Variants in MYT1L observed in about 807,000 individuals in gnomAD.
MYT1L encodes the protein myelin transcription factor 1 like, also known as myelin transcription factor 1-like protein.
Under a neutral mutation model 126.7 loss-of-function variants are expected in MYT1L, and 12 were observed. That is an observed-to-expected ratio of 0.09 (90% confidence interval 0.06 to 0.15). MYT1L has a LOEUF of 0.15. Ranked by LOEUF, MYT1L falls within the 10% of genes least tolerant of loss-of-function variation. MYT1L has a pLI of 1.00. For missense variants in MYT1L, 979 were observed against 1,585.2 expected (o/e 0.62, Z 6.49); for synonymous variants, 541 against 604.2 (o/e 0.90, Z 1.53).
chr2:2,239,072 A>G (rs2094386701), intron 2 of MYT1L, among the ~76,000 whole-genome samples: 1 of 152,242 alleles, frequency 6.6e-6, no homozygotes, highest in Non-Finnish European at 1.5e-5. Flanking sequence ...GATAACGATA[A>G]TTCTCACTTA....
At chr2:2,194,690 C>A (rs936905056) in intron 2 of MYT1L, among the ~76,000 whole-genome samples, 10 of 152,092 alleles carry the variant, frequency 6.6e-5, no homozygotes, top group Admixed American at 1.3e-4. Flanking sequence ...GGCTGTGAGA[C>A]CTTCCCCCCT....
chr2:2,235,363 GA>G (rs1369444878), intron 2 of MYT1L, among the ~76,000 whole-genome samples: 4 of 62,598 alleles, frequency 6.4e-5, no homozygotes, highest in Non-Finnish European at 9.5e-5. Context: ...CTTCCCCTTA[GA>G]GGGGTGTGTG....
At chr2:2,016,898 C>A (rs1174878164) in intron 4 of MYT1L, among the ~76,000 whole-genome samples, 2 of 152,192 alleles carry the variant, frequency 1.3e-5, no homozygotes, top group Non-Finnish European at 2.9e-5. Flanking sequence ...TAAAGCAGAC[C>A]CACATTTTCT....
At chr2:2,074,737 G>T (rs2075020234) in intron 3 of MYT1L, among the ~76,000 whole-genome samples, 1 of 152,138 alleles carries the variant, frequency 6.6e-6, no homozygotes. Context: ...CCAAAAGAAT[G>T]AGATGTTGGT....
chr2:1,802,705 C>G (rs959829057), intron 22 of MYT1L, among the ~76,000 whole-genome samples: 1 of 152,192 alleles, frequency 6.6e-6, no homozygotes, highest in African/African-American at 2.4e-5. Flanking sequence ...CCGGCTGTGT[C>G]TGGTTACTGG....
At chr2:1,966,479 T>C (rs2059367259) in intron 8 of MYT1L, among the ~76,000 whole-genome samples, 1 of 152,196 alleles carries the variant, frequency 6.6e-6, no homozygotes, top group African/African-American at 2.4e-5. Flanking sequence ...CTGATCTTCC[T>C]GGAGAGAGGC....
At chr2:2,095,848 G>T (rs2077404258) in intron 3 of MYT1L, among the ~76,000 whole-genome samples, 1 of 152,200 alleles carries the variant, frequency 6.6e-6, no homozygotes, top group Non-Finnish European at 1.5e-5. Flanking sequence ...TGGAACTGTG[G>T]TCAGATACGG....
chr2:2,005,363 T>C (rs1419874184), intron 4 of MYT1L, among the ~76,000 whole-genome samples: 1 of 148,608 alleles, frequency 6.7e-6, no homozygotes, highest in East Asian at 2.1e-4. Context: ...ATGCGTTCTT[T>C]CCTGCATGCC....
intron 2 of MYT1L, among the ~76,000 whole-genome samples, chr2:2,271,559 C>T (rs1013104982): frequency 1.3e-5 from 2 of 152,220 alleles, no homozygotes. Context: ...CTGAGGTCAT[C>T]TGGTGGTTCT....
At chr2:2,145,449 T>A (rs997588295) in intron 3 of MYT1L, among the ~76,000 whole-genome samples, 2 of 152,218 alleles carry the variant, frequency 1.3e-5, no homozygotes, top group African/African-American at 4.8e-5. Flanking sequence ...TCTCCATGTC[T>A]TCCTTCCTGG....
intron 8 of MYT1L, among the ~76,000 whole-genome samples, chr2:1,950,327 A>C (rs1295361445): frequency 3.3e-5 from 5 of 152,212 alleles, no homozygotes; most frequent in Admixed American, 3.3e-4. Context: ...GTTACATAGT[A>C]AGAAGGTGCC....
chr2:2,215,222 G>A (rs989849826), intron 2 of MYT1L, among the ~76,000 whole-genome samples: 1 of 152,148 alleles, frequency 6.6e-6, no homozygotes, highest in Non-Finnish European at 1.5e-5. Flanking sequence ...TACATTACAT[G>A]TAAGTTATCT....
chr2:1,881,079 A>T (rs1169113342), intron 18 of MYT1L, among the ~76,000 whole-genome samples: 1 of 152,174 alleles, frequency 6.6e-6, no homozygotes, highest in Non-Finnish European at 1.5e-5. Flanking sequence ...AAGAAGTCAG[A>T]TTCAGCCCAA....
intron 9 of MYT1L, among the ~76,000 whole-genome samples, chr2:1,933,412 G>A (rs2055293815): frequency 6.6e-6 from 1 of 152,216 alleles, no homozygotes; most frequent in Non-Finnish European, 1.5e-5. Flanking sequence ...AAACGCAGAG[G>A]GGTGAGGATG....
chr2:1,994,634 TA>T (rs2061690332), intron 5 of MYT1L, among the ~76,000 whole-genome samples: 2 of 152,368 alleles, frequency 1.3e-5, no homozygotes, highest in African/African-American at 4.8e-5. Flanking sequence ...GAGCTGATTT[TA>T]ACAAGTAATA....
intron 18 of MYT1L, among the ~76,000 whole-genome samples, chr2:1,873,938 G>T (rs1002936569): frequency 6.6e-6 from 1 of 152,094 alleles, no homozygotes; most frequent in Non-Finnish European, 1.5e-5. Context: ...GAGGGGTGGA[G>T]AGGGATGGTC....
At chr2:1,969,142 T>C (rs935185720) in intron 8 of MYT1L, among the ~76,000 whole-genome samples, 29 of 152,318 alleles carry the variant, frequency 1.9e-4, no homozygotes, top group African/African-American at 5.3e-4. Flanking sequence ...GAAATCACCC[T>C]CCAGCACCAC....
At chr2:2,232,281 T>C (rs1236125796) in intron 2 of MYT1L, among the ~76,000 whole-genome samples, 1 of 152,226 alleles carries the variant, frequency 6.6e-6, no homozygotes, top group Non-Finnish European at 1.5e-5. Context: ...AACAAGCAGC[T>C]CTGCCCTCCA....
intron 5 of MYT1L, among the ~76,000 whole-genome samples, chr2:1,993,056 T>C (rs1277171158): frequency 6.6e-5 from 10 of 152,198 alleles, no homozygotes; most frequent in Non-Finnish European, 1.2e-4. Context: ...CCTGGCTCAC[T>C]GGCTTCCCCC....
Sources: allele counts gnomAD v4.1 joint callset (sites outside exome capture counted in the v4.1 genomes callset), GRCh38; gene constraint gnomAD v4.1.1; transcripts MANE v1.5; gene names NCBI Gene and HGNC (gene_info 2026-07-23, HGNC 2026-07-21).